The following ZBTB43 variants were observed in gnomAD, a reference collection of about 807,000 sequenced individuals.
The protein encoded by ZBTB43 is zinc finger and BTB domain-containing protein 43.
A neutral mutation model predicts 31.1 loss-of-function variants in ZBTB43; 6 were observed. That is an observed-to-expected ratio of 0.19 (90% CI 0.11 to 0.38). The LOEUF is 0.38. Among genes scored for constraint, ZBTB43 ranks in the 10% least tolerant of loss-of-function variants. The pLI is 1.00. For missense variants in ZBTB43, 379 were observed against 602.1 expected (o/e 0.63, Z 3.88); for synonymous variants, 212 against 221.7 (o/e 0.96, Z 0.39).
chr9:126,820,928 C>G lies in ZBTB43; in HGVS notation c.-23-11559C>G, dbSNP rs534023163. Among the ~76,000 whole-genome samples the G allele has an allele frequency of 5.1e-5, 7 of 137,912 alleles. No homozygotes were observed. In the South Asian group the frequency reaches 1.4e-3, roughly 27 times the overall value. 90.5% of individuals were successfully genotyped at this position (137,912 alleles called of 152,430 possible). A position where few individuals can be genotyped will look rare whatever the true frequency, so the allele number is the denominator to read the frequency against. On this transcript the variant is annotated intron_variant, in intron 2 of 2. Coordinates refer to ENST00000373464, the MANE Select transcript of ZBTB43 (RefSeq NM_014007.4). ...GCTGCAGTGAGCCACAATCGCACCA[C>G]TGCACTCCAGCCTGGGTGACAAAGT...
rs1449085116 is a variant in ZBTB43, at chr9:126,818,297, AT to A, written c.-24+9383del. ...ACCACTATTCCTGGCTAATTAAAAAATATATATATATATATATTTAGAAACA... is the reference window on the plus strand; with the variant it reads ...ACCACTATTCCTGGCTAATTAAAAAAATATATATATATATATTTAGAAACA... On this transcript the variant is annotated intron_variant, in intron 2 of 2. Coordinates refer to ENST00000373464, the MANE Select transcript of ZBTB43 (RefSeq NM_014007.4). Among the ~76,000 whole-genome samples, 15 of 113,396 alleles carry A rather than the reference AT, an allele frequency of 1.3e-4. No individual in the cohort carries two copies. In the East Asian group the frequency reaches 1.4e-3, roughly 11 times the overall value. The allele number at this position is 113,396 out of a possible 152,430, so 74.4% of individuals were successfully genotyped here.
At chr9:126,822,665 A>G (rs1287909183) in intron 2 of ZBTB43, among the ~76,000 whole-genome samples, 1 of 152,202 alleles carries the variant, frequency 6.6e-6, no homozygotes, top group African/African-American at 2.4e-5. Flanking sequence ...GCTTGAGCCC[A>G]GGAGGTCAAG....
chr9:126,836,935 C>T lies in ZBTB43; in HGVS notation c.*3022C>T, dbSNP rs1399964939. 6.5e-6 allele frequency: 1 copy of T among 152,790 alleles called. No individual in the cohort carries two copies. The highest frequency in any genetic ancestry group is 2.4e-5 in the African/African-American group (1 of 41,370). The allele number at this position is 152,790 out of a possible 1,614,324, so 9.5% of individuals were successfully genotyped here. A position where few individuals can be genotyped will look rare whatever the true frequency, so the allele number is the denominator to read the frequency against. On this transcript the variant is annotated 3_prime_UTR_variant, in exon 3 of 3. Transcript: ENST00000373464. Reference sequence around the variant, plus strand: ...CCTGACCAACATAGTGAAACCCCATCTCTACTAAAAATACAAAAATTAGCC... The same window carrying T: ...CCTGACCAACATAGTGAAACCCCATTTCTACTAAAAATACAAAAATTAGCC...
intron 2 of ZBTB43, among the ~76,000 whole-genome samples, chr9:126,828,610 CAGTG>C (rs931092947): frequency 2.0e-5 from 3 of 147,348 alleles, no homozygotes; most frequent in African/African-American, 7.4e-5. Context: ...CTGGGCAACA[CAGTG>C]AGACCCCCAT....
Position 126,834,965 on chromosome 9 carries a change from A to T in ZBTB43, c.*1052A>T, listed in dbSNP as rs549893031. 1 of 167,202 alleles carries T rather than the reference A, an allele frequency of 6.0e-6. No individual in the cohort carries two copies. The highest frequency in any genetic ancestry group is 2.1e-4 in the South Asian group (1 of 4,828). The allele number at this position is 167,202 out of a possible 1,614,324, so 10.4% of individuals were successfully genotyped here. ...TCCACCAACCAGAGTGAGAGGGCAG[A>T]TAGGCAGGATTCTATGAGTGGTTAT... is the stretch of plus-strand genomic sequence containing the variant. On this transcript the variant is annotated 3_prime_UTR_variant, in exon 3 of 3. Transcript: ENST00000373464.
intron 2 of ZBTB43, among the ~76,000 whole-genome samples, chr9:126,824,956 T>G (rs1025637768): frequency 9.2e-5 from 14 of 152,174 alleles, no homozygotes; most frequent in African/African-American, 3.1e-4. Context: ...TGGTGGTGGT[T>G]GTTTTTGAGA....
chr9:126,824,975 C>T (rs2032599614), intron 2 of ZBTB43, among the ~76,000 whole-genome samples: 1 of 152,196 alleles, frequency 6.6e-6, no homozygotes. Context: ...GACAGGGTCT[C>T]ACTCTGTCAC....
chr9:126,827,645 T>G (rs1166500047), intron 2 of ZBTB43, among the ~76,000 whole-genome samples: 1 of 152,200 alleles, frequency 6.6e-6, no homozygotes. Flanking sequence ...ACTCCACCAT[T>G]TTCCATAACC....
intron 2 of ZBTB43, among the ~76,000 whole-genome samples, chr9:126,809,158 A>C (rs1261153902): frequency 1.3e-5 from 2 of 152,214 alleles, no homozygotes; most frequent in African/African-American, 2.4e-5. Context: ...TTAACTTAGA[A>C]AAATGTTAGA....
In ZBTB43 at chr9:126,817,658, A is replaced by G. The variant is rs188175224; in HGVS notation, c.-24+8743A>G. 3.0e-4 allele frequency among the ~76,000 whole-genome samples: 46 copies of G among 151,030 alleles called. No homozygotes were observed. The East Asian group carries it at 8.7e-3, about 29-fold the overall frequency. ...GCCCGGCTAATTATTTTATATTTTT[A>G]GTAGAGATGGGGTTTCACTGTGTTA... On this transcript the variant is annotated intron_variant, in intron 2 of 2. Coordinates refer to ENST00000373464, the MANE Select transcript of ZBTB43 (RefSeq NM_014007.4).
chr9:126,832,826 C>T lies in ZBTB43; in HGVS notation c.317C>T (p.Ala106Val), dbSNP rs769741963. Residue 106 changes from alanine to valine, a missense_variant, in exon 3 of 3, where the codon GCG (alanine) becomes GTG (valine). Ala to Val is a moderately conservative substitution (Grantham distance 64). This residue lies in a region of ZBTB43 where 79 missense variants were observed against 134.4 expected (regional missense o/e 0.59). Transcript: ENST00000373464. ...CCAGAAATTGTTAGTTACTTGACAG[C>T]GGCAAGCTTCCTCCAGATGTGGCAT... The part of the protein sequence containing the change: ...PAPEIVSYLT[A>V]ASFLQMWHVV... 12 of 1,613,958 alleles carry T rather than the reference C, an allele frequency of 7.4e-6. No individual in the cohort carries two copies. The highest frequency in any genetic ancestry group is 1.3e-5 in the African/African-American group (1 of 74,862).
intron 2 of ZBTB43, among the ~76,000 whole-genome samples, chr9:126,826,171 G>A (rs1341655243): frequency 2.6e-5 from 4 of 151,450 alleles, no homozygotes; most frequent in African/African-American, 7.3e-5. Flanking sequence ...CCACCACCAC[G>A]CCCAGCTTAT....
intron 1 of ZBTB43, among the ~76,000 whole-genome samples, chr9:126,806,091 T>G (rs531899499): frequency 2.6e-5 from 4 of 152,326 alleles, no homozygotes; most frequent in African/African-American, 9.6e-5. Flanking sequence ...CGCCTGTGGT[T>G]TCTCAGGCCT....
intron 1 of ZBTB43, among the ~76,000 whole-genome samples, chr9:126,807,486 A>G (rs149515963): frequency 1.3e-5 from 2 of 152,242 alleles, no homozygotes; most frequent in African/African-American, 2.4e-5. Context: ...GCAGTTCTCT[A>G]TCATTGTCTC....
chr9:126,813,501 G>A (rs1426791103), intron 2 of ZBTB43, among the ~76,000 whole-genome samples: 1 of 152,122 alleles, frequency 6.6e-6, no homozygotes, highest in East Asian at 1.9e-4. Flanking sequence ...ATAGAAGGAA[G>A]CACAAGTAAT....
intron 2 of ZBTB43, among the ~76,000 whole-genome samples, chr9:126,814,326 ATG>A (rs2032322818): frequency 2.7e-5 from 4 of 149,524 alleles, no homozygotes; most frequent in Non-Finnish European, 3.0e-5. Context: ...CATCTGTAAA[ATG>A]TAAATTTTAC....
Position 126,835,349 on chromosome 9 carries a change from GGTT to G in ZBTB43, c.*1437_*1439del, listed in dbSNP as rs1394935390. 1.2e-5 allele frequency: 2 copies of G among 167,038 alleles called. 1 individual carries two copies. Among genetic ancestry groups the G allele is most frequent in the African/African-American group, 4.8e-5 (2 of 41,422 alleles). The allele number at this position is 167,038 out of a possible 1,614,324, so 10.3% of individuals were successfully genotyped here. A position where few individuals can be genotyped will look rare whatever the true frequency, so the allele number is the denominator to read the frequency against. ...CTTTTAAGCTGTGTAACATACCTGAGGTTATCACCAGGGTAGGACAGGGTGCTA... is the reference window on the plus strand; with the variant it reads ...CTTTTAAGCTGTGTAACATACCTGAGATCACCAGGGTAGGACAGGGTGCTA... On this transcript the variant is annotated 3_prime_UTR_variant, in exon 3 of 3. Coordinates refer to ENST00000373464, the MANE Select transcript of ZBTB43 (RefSeq NM_014007.4).
At chr9:126,832,130 TA>T (rs895326569) in intron 2 of ZBTB43, 39 of 186,132 alleles carry the variant, frequency 2.1e-4, no homozygotes, top group South Asian at 4.3e-4. Context: ...CCATCTCGTT[TA>T]AAAAAAAATT....
chr9:126,808,348 T>TA (rs1184586109), intron 1 of ZBTB43, among the ~76,000 whole-genome samples: 1 of 152,154 alleles, frequency 6.6e-6, no homozygotes, highest in Admixed American at 6.5e-5. Flanking sequence ...CTTGTTTTTT[T>TA]AAAAAACATC....
Sources: allele counts gnomAD v4.1 joint callset (sites outside exome capture counted in the v4.1 genomes callset), GRCh38; gene constraint gnomAD v4.1.1; regional missense constraint gnomAD v4.1.1; transcripts MANE v1.5; gene names NCBI Gene and HGNC (gene_info 2026-07-23, HGNC 2026-07-21).